Variants in MMS22L observed in about 807,000 individuals in gnomAD.
MMS22L encodes MMS22 like, DNA repair protein, also known as protein MMS22-like.
Under a neutral mutation model 159.1 loss-of-function variants are expected in MMS22L, and 74 were observed. The ratio of observed to expected loss-of-function variants is 0.47; its 90% CI spans 0.39 to 0.56. MMS22L has a LOEUF of 0.56. Among genes scored for constraint, MMS22L ranks in the 20% least tolerant of loss-of-function variants. The pLI, the probability that MMS22L is intolerant of heterozygous loss-of-function variation, is 0.00. For synonymous variants in MMS22L, 517 were observed against 506.9 expected (o/e 1.02, Z -0.27); for missense variants, 1,351 against 1,422.1 (o/e 0.95, Z 0.80).
At chr6:97,226,482 T>TAC (rs1360873910) in intron 14 of MMS22L, among the ~76,000 whole-genome samples, 2 of 152,022 alleles carry the variant, frequency 1.3e-5, no homozygotes, top group African/African-American at 4.8e-5. Context: ...TAATCCCAGC[T>TAC]ACTCAGGATG....
At chr6:97,234,330 A>T (rs1358406292) in intron 11 of MMS22L, among the ~76,000 whole-genome samples, 1 of 152,180 alleles carries the variant, frequency 6.6e-6, no homozygotes, top group Non-Finnish European at 1.5e-5. Context: ...AACGATTAAG[A>T]TGTACACAAA....
intron 3 of MMS22L, among the ~76,000 whole-genome samples, chr6:97,280,179 C>A (rs947762073): frequency 6.6e-6 from 1 of 152,158 alleles, no homozygotes; most frequent in Non-Finnish European, 1.5e-5. Context: ...GAATTCCTTC[C>A]ACCTCTCCAT....
intron 22 of MMS22L, among the ~76,000 whole-genome samples, chr6:97,154,071 A>G (rs1436586024): frequency 6.6e-6 from 1 of 152,156 alleles, no homozygotes; most frequent in Non-Finnish European, 1.5e-5. Context: ...ACATGATTTT[A>G]CATTCCCAAT....
At chr6:97,260,059 TAAG>T (rs991061909) in intron 9 of MMS22L, 2 of 152,218 alleles carry the variant, frequency 1.3e-5, no homozygotes, top group Admixed American at 6.5e-5. Flanking sequence ...TTTGCTCTTA[TAAG>T]TTGTTTGGTC....
At chr6:97,272,267 C>T (rs1191025544) in intron 6 of MMS22L, 1 of 152,580 alleles carries the variant, frequency 6.6e-6, no homozygotes, top group African/African-American at 2.4e-5. Flanking sequence ...CCTCAAAAGT[C>T]AGAATACACA....
rs1209288883 is a variant in MMS22L at position 97,142,795 on chromosome 6, G to C, written c.*4011C>G. On this transcript the variant is annotated 3_prime_UTR_variant, in exon 25 of 25. Transcript: ENST00000683635. ...TGTGAAAGTACACAGAAGCAGGTCC[G>C]TGTAATTATTTAAGAACAAGGTAGT... 1 of 152,050 alleles carries C rather than the reference G, an allele frequency of 6.6e-6. No individual in the cohort carries two copies. The highest frequency in any genetic ancestry group is 6.6e-5 in the Admixed American group (1 of 15,264). The allele number at this position is 152,050 out of a possible 1,614,324, so 9.4% of individuals were successfully genotyped here.
intron 22 of MMS22L, among the ~76,000 whole-genome samples, chr6:97,153,298 C>T (rs964621706): frequency 6.6e-6 from 1 of 151,110 alleles, no homozygotes; most frequent in Non-Finnish European, 1.5e-5. Context: ...AAAAGAAATT[C>T]CACACTCTTT....
chr6:97,222,032 A>T (rs1809710264), intron 14 of MMS22L, among the ~76,000 whole-genome samples: 1 of 152,130 alleles, frequency 6.6e-6, no homozygotes, highest in African/African-American at 2.4e-5. Flanking sequence ...GAAATATTAT[A>T]TAAATTATTT....
At chr6:97,196,362 T>C (rs1236043452) in intron 14 of MMS22L, among the ~76,000 whole-genome samples, 2 of 152,132 alleles carry the variant, frequency 1.3e-5, no homozygotes, top group Admixed American at 6.6e-5. Context: ...GAGTAAAGCA[T>C]AGTGACATGA....
chr6:97,231,957 G>A (rs1810919805), intron 12 of MMS22L, among the ~76,000 whole-genome samples: 1 of 152,088 alleles, frequency 6.6e-6, no homozygotes, highest in Admixed American at 6.6e-5. Context: ...TATTCTTTAA[G>A]TTTCCCAATG....
chr6:97,196,597 T>G (rs1279458807), intron 14 of MMS22L, among the ~76,000 whole-genome samples: 1 of 152,126 alleles, frequency 6.6e-6, no homozygotes, highest in Non-Finnish European at 1.5e-5. Context: ...GTCTTTAAGG[T>G]AGCTGGAAAT....
chr6:97,158,344 C>T (rs144344470), intron 22 of MMS22L, among the ~76,000 whole-genome samples: 140 of 152,076 alleles, frequency 9.2e-4, no homozygotes, highest in African/African-American at 3.1e-3. Flanking sequence ...TATTTCTTGT[C>T]TTCTGCTAGC....
In MMS22L at chr6:97,267,969, A is replaced by C; in HGVS notation, c.731T>G (p.Leu244Arg). The C allele has an allele frequency of 1.2e-6, 2 of 1,603,198 alleles. No homozygotes were observed. Among genetic ancestry groups the C allele is most frequent in the Non-Finnish European group, 1.7e-6 (2 of 1,175,516 alleles). Reference sequence around the variant, plus strand: ...GATGTTGGTTAAATTGTCACTTGCCAGATTCATAAACTGATGACCATATAC... The same window carrying C: ...GATGTTGGTTAAATTGTCACTTGCCCGATTCATAAACTGATGACCATATAC... The part of the protein sequence containing the change: ...QVVYGHQFMN[L>R]ASDNLTNISL... Residue 244 changes from leucine to arginine, a missense_variant, in exon 8 of 25, where the codon CTG (leucine) becomes CGG (arginine). Transcript: ENST00000683635.
rs148291789 is a variant in MMS22L, at chr6:97,186,511, G to A, written c.2219C>T (p.Ala740Val). The part of the protein sequence containing the change: ...MSQVVPFSQL[A>V]DAAADFTLLA... ...TTAATGCTGACCTGCAGCTGCATCC[G>A]CAAGTTGTGAGAAAGGCACTACCTG... Residue 740 changes from alanine to valine, a missense_variant, in exon 15 of 25, where the codon GCG (alanine) becomes GTG (valine). Coordinates refer to ENST00000683635, the MANE Select transcript of MMS22L (RefSeq NM_001350599.2). 7.1e-5 allele frequency: 114 copies of A among 1,612,028 alleles called. No individual in the cohort carries two copies. The highest frequency in any genetic ancestry group is 4.6e-4 in the South Asian group (42 of 90,848).
rs774992970 is a variant in MMS22L, at chr6:97,229,179, T to A, written c.1754A>T (p.Asn585Ile). 1 of 1,614,094 alleles carries A rather than the reference T, an allele frequency of 6.2e-7. No individual in the cohort carries two copies. Among genetic ancestry groups the A allele is most frequent in the Non-Finnish European group, 8.5e-7 (1 of 1,179,998 alleles). The change falls in exon 14 of 25, where the codon AAT (asparagine) becomes ATT (isoleucine). Residue 585 changes from asparagine (N) to isoleucine (I), a missense_variant. Asn to Ile is a moderately radical substitution (Grantham distance 149). Transcript: ENST00000683635. ...CTCAGCCAAAACACCAATGTCCAGA[T>A]TTTTCTGGGCATACATCAAGAGGAA... ...MAFLLMYAQKNLDIGVLAEKF... is the reference protein window; with the variant it reads ...MAFLLMYAQKILDIGVLAEKF...
chr6:97,236,569 G>T (rs1237758637), intron 11 of MMS22L, among the ~76,000 whole-genome samples: 1 of 152,102 alleles, frequency 6.6e-6, no homozygotes, highest in Non-Finnish European at 1.5e-5. Context: ...TGGAATTAAA[G>T]ATGTTTCTTA....
At chr6:97,226,551 G>A (rs548147025) in intron 14 of MMS22L, among the ~76,000 whole-genome samples, 9 of 152,128 alleles carry the variant, frequency 5.9e-5, no homozygotes, top group South Asian at 4.2e-4. Context: ...CCGAGATGGC[G>A]CCACTGCACT....
Position 97,282,461 on chromosome 6 carries a change from G to A in MMS22L, c.17C>T (p.Ala6Val), listed in dbSNP as rs967056166. MENCS[A>V]ASTFLTDSLE... is the part of the protein sequence containing the mutation. ...GCTGTCAGTCAGGAACGTCGATGCA[G>A]CAGAACAGTTCTCCATTGTTTACTT... Residue 6 changes from alanine to valine, a missense_variant, in exon 2 of 25, where the codon GCT (alanine) becomes GTT (valine). By Grantham distance (64) the Ala-to-Val change is moderately conservative. Transcript: ENST00000683635. 6.2e-7 allele frequency: 1 copy of A among 1,612,500 alleles called. No individual in the cohort carries two copies. The highest frequency in any genetic ancestry group is 1.7e-5 in the Admixed American group (1 of 59,668).
chr6:97,162,051 T>C lies in MMS22L; in HGVS notation c.3336A>G (p.Leu1112=), dbSNP rs766315467. The part of the protein sequence containing the change: ...ETNTDIYEVE[L]LLPGILKCLV... ...AGCATTTTAAAATGCCAGGGAGGAG[T>C]AGTTCAACTTCATAAATGTCTGTGT... Residue 1112 remains leucine, a synonymous_variant, in exon 22 of 25, where the codon CTA becomes CTG. Transcript: ENST00000683635. 4 of 1,611,710 alleles carry C rather than the reference T, an allele frequency of 2.5e-6. No homozygotes were observed. Among genetic ancestry groups the C allele is most frequent in the Non-Finnish European group, 3.4e-6 (4 of 1,178,890 alleles).
Sources: gnomAD v4.1 joint callset for allele counts (sites outside exome capture counted in the v4.1 genomes callset) on GRCh38, gnomAD v4.1.1 for gene constraint, MANE v1.5 for transcripts, NCBI Gene and HGNC (gene_info 2026-07-23, HGNC 2026-07-21) for gene names.